The following GCC2 variants were observed in gnomAD, a reference collection of about 807,000 sequenced individuals.
GCC2 encodes the protein GRIP and coiled-coil domain-containing protein 2.
In GCC2, 120 loss-of-function variants were observed where a neutral mutation model predicts 210.6. The observed-to-expected ratio is 0.57, with a 90% confidence interval of 0.49 to 0.66. GCC2 has a LOEUF of 0.66. GCC2 is among the 30% of genes least tolerant of loss of function. The pLI is 0.00. For synonymous variants in GCC2, 703 were observed against 652.7 expected (o/e 1.08, Z -1.17); for missense variants, 1,868 against 1,871.9 (o/e 1.00, Z 0.04).
rs763198265 is a variant in GCC2 at position 108,486,573 on chromosome 2, G to A, written c.3855G>A (p.Ala1285=). Residue 1285 remains alanine, a synonymous_variant, in exon 16 of 23, where the codon GCG becomes GCA. Coordinates refer to ENST00000309863, the MANE Select transcript of GCC2 (RefSeq NM_181453.4). The part of the protein sequence containing the change: ...HKIHEHLKTS[A]EQHQRTLSAY... ...TCCACGAGCACCTGAAAACCTCTGCGGAACAGCACCAGCGTACGCTAAGTG... is the reference window on the plus strand; with the variant it reads ...TCCACGAGCACCTGAAAACCTCTGCAGAACAGCACCAGCGTACGCTAAGTG... The A allele has an allele frequency of 1.5e-5, 24 of 1,613,888 alleles. No individual in the cohort carries two copies. The highest frequency in any genetic ancestry group is 1.3e-4 in the African/African-American group (10 of 74,900).
intron 13 of GCC2, among the ~76,000 whole-genome samples, chr2:108,485,036 T>G (rs544821876): frequency 0.016 from 2,371 of 151,716 alleles, 39 homozygotes; most frequent in Non-Finnish European, 0.018. Context: ...ATGGATGAAA[T>G]TGGAAATCAT....
intron 4 of GCC2, 40 bp from the exon 5 acceptor site, chr2:108,468,939 CA>C: frequency 7.7e-7 from 1 of 1,299,550 alleles, no homozygotes. Context: ...GTCAATCCAC[CA>C]TTTTTTAACC....
chr2:108,456,974 A>G (rs1179486529), intron 4 of GCC2, among the ~76,000 whole-genome samples: 6 of 150,624 alleles, frequency 4.0e-5, no homozygotes, highest in Non-Finnish European at 7.4e-5. Context: ...AAAATTTAAG[A>G]TGCCTTTCAG....
intron 4 of GCC2, among the ~76,000 whole-genome samples, chr2:108,459,174 G>A (rs995619198): frequency 2.0e-5 from 3 of 152,104 alleles, no homozygotes; most frequent in Non-Finnish European, 4.4e-5. Context: ...GTTTTGGTAT[G>A]TTGTAGTTTC....
Position 108,486,481 on chromosome 2 carries a change from CTAA to C in GCC2, c.3793-29_3793-27del. ...CTTTAACTAGTGAAGATAGGATTTGCTAAAGCTAAATTTAAAGATTTACCCCCA... is the reference window on the plus strand; with the variant it reads ...CTTTAACTAGTGAAGATAGGATTTGCAGCTAAATTTAAAGATTTACCCCCA... On this transcript the variant is annotated intron_variant, in intron 15 of 22. Coordinates refer to ENST00000309863, the MANE Select transcript of GCC2 (RefSeq NM_181453.4). The C allele has an allele frequency of 1.9e-6, 3 of 1,612,418 alleles. No homozygotes were observed. The South Asian group carries it at 3.3e-5, about 18-fold the overall frequency.
In GCC2 at chr2:108,481,742, GA is replaced by G. The variant is rs1173525178; in HGVS notation, c.3111del (p.Glu1038AsnfsTer17). On this transcript the variant is annotated frameshift_variant, in exon 10 of 23. Coordinates refer to ENST00000309863, the MANE Select transcript of GCC2 (RefSeq NM_181453.4). LOFTEE classifies it high-confidence loss of function. ...AAAGCAGTCAGAGCAACTGGATGTGGAAAAAGAACGTGCTAATAATTTTGAG... is the reference window on the plus strand; with the variant it reads ...AAAGCAGTCAGAGCAACTGGATGTGGAAAAGAACGTGCTAATAATTTTGAG... ...YEKQSEQLDV[E>X]KERANNFEHR... is the part of the protein sequence containing the mutation. 1.9e-6 allele frequency: 3 copies of G among 1,602,834 alleles called. No homozygotes were observed. The highest frequency in any genetic ancestry group is 2.2e-5 in the East Asian group (1 of 44,718).
chr2:108,492,107 C>G (rs560015249), intron 18 of GCC2, among the ~76,000 whole-genome samples: 10 of 146,648 alleles, frequency 6.8e-5, no homozygotes, highest in Non-Finnish European at 1.3e-4. Flanking sequence ...ATACTTTCCT[C>G]TAAAGTTTTC....
chr2:108,485,932 TA>T (rs750597930), intron 15 of GCC2, 24 bp downstream of exon 15: 16 of 1,297,446 alleles, frequency 1.2e-5, no homozygotes, highest in South Asian at 2.7e-5. Flanking sequence ...TTTTTAAGAT[TA>T]AAAAAATGTT....
chr2:108,482,539 A>G (rs1020280846), intron 11 of GCC2, 88 bp downstream of exon 11: 14 of 643,618 alleles, frequency 2.2e-5, no homozygotes, highest in Admixed American at 1.8e-4. Flanking sequence ...TACTAAGAGT[A>G]GCATTTATGA....
In GCC2 at chr2:108,471,338, T is replaced by G. The variant is rs182645789; in HGVS notation, c.2009T>G (p.Met670Arg). The change falls in exon 6 of 23, where the codon ATG becomes AGG. Residue 670 changes from methionine (M) to arginine (R), a missense_variant. Around this residue, in one of 3 missense-constraint regions of GCC2, gnomAD observed 1,847 missense variants for 1,765.2 expected, o/e 1.05. Coordinates refer to ENST00000309863, the MANE Select transcript of GCC2 (RefSeq NM_181453.4). The part of the protein sequence containing the change: ...DQNDQKLEKL[M>R]VQMKVLSEDK... ...AATGACCAAAAACTAGAAAAACTTA[T>G]GGTTCAAATGAAAGTTCTCTCTGAA... 5.6e-5 allele frequency: 90 copies of G among 1,611,808 alleles called. No individual in the cohort carries two copies. The highest frequency in any genetic ancestry group is 6.8e-6 in the Non-Finnish European group (8 of 1,179,364).
At position 108,450,972 on chromosome 2, in the gene GCC2, G is replaced by A. The variant is rs372242912; in HGVS notation, c.64-56G>A. On this transcript the variant is annotated intron_variant, in intron 2 of 22. Transcript: ENST00000309863. The stretch of plus-strand genomic sequence containing the variant: ...TTCTAGCAGACATTGTTTCTTTTTT[G>A]TGGTATACTAGAAACATGAGTTATA... 919 of 1,038,558 alleles carry A rather than the reference G, an allele frequency of 8.8e-4. 11 individuals are homozygous for A. In the South Asian group the frequency reaches 0.012, roughly 13 times the overall value. The allele number at this position is 1,038,558 out of a possible 1,614,324, so 64.3% of individuals were successfully genotyped here. A position where few individuals can be genotyped will look rare whatever the true frequency, so the allele number is the denominator to read the frequency against.
chr2:108,481,254 A>G (rs1157157542), intron 9 of GCC2, among the ~76,000 whole-genome samples: 1 of 152,218 alleles, frequency 6.6e-6, no homozygotes, highest in Non-Finnish European at 1.5e-5. Context: ...GTGTTCTTTC[A>G]TTAGCACCTT....
intron 22 of GCC2, among the ~76,000 whole-genome samples, chr2:108,501,776 C>A (rs995854678): frequency 6.6e-6 from 1 of 152,100 alleles, no homozygotes; most frequent in Non-Finnish European, 1.5e-5. Flanking sequence ...CCTTGAGAAC[C>A]CCTGGTCTAG....
chr2:108,507,605 T>C lies in GCC2; in HGVS notation c.5030T>C (p.Leu1677Pro). Reference sequence around the variant, plus strand: ...CGTTCTTCTGGATGGGCATCCTATCTTCATAGTTGGTCTGGACTTCGATAG... The same window carrying C: ...CGTTCTTCTGGATGGGCATCCTATCCTCATAGTTGGTCTGGACTTCGATAG... ...ASRSSGWASY[L>P]HSWSGLR The change falls in exon 23 of 23, where the codon CTT (leucine) becomes CCT (proline). Residue 1677 changes from leucine to proline, a missense_variant. This residue lies in a region of GCC2 where 20 missense variants were observed against 28.2 expected (regional missense o/e 0.71). Coordinates refer to ENST00000309863, the MANE Select transcript of GCC2 (RefSeq NM_181453.4). The C allele has an allele frequency of 6.2e-7, 1 of 1,604,464 alleles. No homozygotes were observed. Among genetic ancestry groups the C allele is most frequent in the Non-Finnish European group, 8.5e-7 (1 of 1,172,618 alleles).
chr2:108,478,325 A>G (rs763267399), intron 9 of GCC2, among the ~76,000 whole-genome samples: 50 of 152,222 alleles, frequency 3.3e-4, no homozygotes, highest in Non-Finnish European at 4.6e-4. Flanking sequence ...GACAGGATTT[A>G]AGGTAGAACC....
At chr2:108,478,258 T>A (rs1681647439) in intron 9 of GCC2, among the ~76,000 whole-genome samples, 1 of 108,176 alleles carries the variant, frequency 9.2e-6, no homozygotes, top group Non-Finnish European at 1.9e-5. Flanking sequence ...TAAATTTAAA[T>A]TTTCAAATTT....
intron 4 of GCC2, among the ~76,000 whole-genome samples, chr2:108,455,632 T>C (rs1390508971): frequency 6.6e-6 from 1 of 152,210 alleles, no homozygotes; most frequent in Non-Finnish European, 1.5e-5. Context: ...ATCATATATA[T>C]GTGTTGTGTA....
At chr2:108,479,972 C>A (rs1460008297) in intron 9 of GCC2, among the ~76,000 whole-genome samples, 1 of 135,744 alleles carries the variant, frequency 7.4e-6, no homozygotes, top group Non-Finnish European at 1.5e-5. Context: ...CAGAGCGAGA[C>A]TCCATCTCAA....
In GCC2 at chr2:108,490,026, A is replaced by G. The variant is rs1287172693; in HGVS notation, c.4229+12A>G. The G allele has an allele frequency of 6.3e-7, 1 of 1,594,414 alleles. No homozygotes were observed. Among genetic ancestry groups the G allele is most frequent in the East Asian group, 2.3e-5 (1 of 43,884 alleles). On this transcript the variant is annotated intron_variant, in intron 18 of 22. Coordinates refer to ENST00000309863, the MANE Select transcript of GCC2 (RefSeq NM_181453.4). ...GAACTCCGGGAAAAGTAAGACTGTT[A>G]GCAGCACTAACGCTGTACCAGACAG... is the stretch of plus-strand genomic sequence containing the variant.
Sources: gnomAD v4.1 joint callset for allele counts (sites outside exome capture counted in the v4.1 genomes callset) on GRCh38, gnomAD v4.1.1 for gene constraint, gnomAD v4.1.1 regional missense constraint, MANE v1.5 for transcripts, NCBI Gene and HGNC (gene_info 2026-07-23, HGNC 2026-07-21) for gene names.